Variants in CACNB4 observed in about 807,000 individuals in gnomAD.
CACNB4 encodes calcium voltage-gated channel auxiliary subunit beta 4, also known as voltage-dependent L-type calcium channel subunit beta-4.
In CACNB4, 32 loss-of-function variants were observed where a neutral mutation model predicts 71.2. The observed-to-expected ratio is 0.45, with a 90% CI of 0.34 to 0.60. The LOEUF is 0.60. CACNB4 is among the 20% of genes least tolerant of loss of function. The probability of loss-of-function intolerance (pLI) is 0.01; values close to 1 mark genes in which losing one functional copy is unlikely to be tolerated. For missense variants in CACNB4, 464 were observed against 647.9 expected (o/e 0.72, Z 3.08); for synonymous variants, 231 against 236.9 (o/e 0.97, Z 0.23).
At chr2:151,869,510 G>A (rs2099844057) in intron 8 of CACNB4, 1 of 313,944 alleles carries the variant, frequency 3.2e-6, no homozygotes, top group Non-Finnish European at 5.9e-6. Context: ...CCTCGTTAGG[G>A]GATAGAACTG....
At chr2:152,051,284 C>G (rs943354233) in intron 2 of CACNB4, among the ~76,000 whole-genome samples, 7 of 152,026 alleles carry the variant, frequency 4.6e-5, no homozygotes, top group African/African-American at 1.7e-4. Flanking sequence ...AAATATAATT[C>G]ACATACCATT....
intron 2 of CACNB4, among the ~76,000 whole-genome samples, chr2:152,046,878 T>A (rs1187184137): frequency 6.6e-6 from 1 of 152,082 alleles, no homozygotes; most frequent in Non-Finnish European, 1.5e-5. Flanking sequence ...GGAAAAAGGG[T>A]CTCTGACTAT....
At chr2:152,096,748 C>G (rs1017490963) in intron 2 of CACNB4, among the ~76,000 whole-genome samples, 2 of 152,172 alleles carry the variant, frequency 1.3e-5, no homozygotes, top group Admixed American at 6.5e-5. Flanking sequence ...TCATCTCAAT[C>G]AGTTACGGGC....
chr2:152,012,568 T>C (rs1411980570), intron 2 of CACNB4, among the ~76,000 whole-genome samples: 1 of 148,164 alleles, frequency 6.7e-6, no homozygotes, highest in East Asian at 2.0e-4. Flanking sequence ...CGTGTCACTG[T>C]GCTGCAGCCT....
chr2:151,920,935 A>C (rs147728384), intron 2 of CACNB4, among the ~76,000 whole-genome samples: 7 of 152,062 alleles, frequency 4.6e-5, no homozygotes, highest in South Asian at 2.1e-4. Context: ...TCAGGAGATC[A>C]AGACCATCCT....
chr2:151,855,141 T>G (rs2099839957), intron 11 of CACNB4, 83 bp downstream of exon 11: 1 of 847,398 alleles, frequency 1.2e-6, no homozygotes, highest in African/African-American at 1.7e-5. Flanking sequence ...CGTTCTCCTT[T>G]GTCCACTAAC....
chr2:152,026,159 C>T (rs1464271944), intron 2 of CACNB4, among the ~76,000 whole-genome samples: 1 of 152,164 alleles, frequency 6.6e-6, no homozygotes, highest in Admixed American at 6.5e-5. Flanking sequence ...ACACACTCTG[C>T]CTTTTCTCGT....
intron 4 of CACNB4, among the ~76,000 whole-genome samples, chr2:151,876,964 GTA>G (rs1396278219): frequency 2.1e-5 from 3 of 145,918 alleles, no homozygotes; most frequent in Admixed American, 1.4e-4. Flanking sequence ...TATTGTGTAT[GTA>G]TATATGTGTA....
chr2:151,944,915 A>G (rs1222476077), intron 2 of CACNB4, among the ~76,000 whole-genome samples: 5 of 152,214 alleles, frequency 3.3e-5, no homozygotes, highest in African/African-American at 1.2e-4. Context: ...CAGTTGTGAG[A>G]CAATAGGGTC....
chr2:151,962,046 C>T (rs777021973), intron 2 of CACNB4, among the ~76,000 whole-genome samples: 1 of 152,216 alleles, frequency 6.6e-6, no homozygotes, highest in Non-Finnish European at 1.5e-5. Context: ...GCATGGCTAA[C>T]CGGTAAGCTC....
At chr2:152,014,038 C>T (rs1683205537) in intron 2 of CACNB4, among the ~76,000 whole-genome samples, 1 of 152,200 alleles carries the variant, frequency 6.6e-6, no homozygotes, top group South Asian at 2.1e-4. Flanking sequence ...AGCAACACTC[C>T]ATGGTCCAAA....
At chr2:151,957,591 A>T (rs11688687) in intron 2 of CACNB4, among the ~76,000 whole-genome samples, 2,877 of 152,322 alleles carry the variant, frequency 0.019, 36 homozygotes, top group Middle Eastern at 0.031. Context: ...GCACTGTCAC[A>T]AACTCTCGAG....
At chr2:151,885,569 T>C (rs2099849154) in intron 2 of CACNB4, among the ~76,000 whole-genome samples, 1 of 152,230 alleles carries the variant, frequency 6.6e-6, no homozygotes, top group Admixed American at 6.5e-5. Flanking sequence ...ACAAAAAGCA[T>C]TAATTTCTCA....
At chr2:152,097,134 T>G (rs1688317682) in intron 2 of CACNB4, among the ~76,000 whole-genome samples, 1 of 152,238 alleles carries the variant, frequency 6.6e-6, no homozygotes, top group Admixed American at 6.5e-5. Context: ...GCTCGCTGAA[T>G]TAAATGGTAG....
intron 10 of CACNB4, among the ~76,000 whole-genome samples, chr2:151,856,215 A>T (rs2099840273): frequency 6.8e-6 from 1 of 147,916 alleles, no homozygotes; most frequent in Admixed American, 6.7e-5. Flanking sequence ...AATATAAAAA[A>T]GTTTTATATA....
intron 2 of CACNB4, among the ~76,000 whole-genome samples, chr2:151,978,349 G>C (rs2099874162): frequency 1.3e-5 from 2 of 152,124 alleles, no homozygotes; most frequent in African/African-American, 4.8e-5. Flanking sequence ...AAGAAGTATG[G>C]AATCAGGGCA....
At chr2:151,910,889 C>T (rs1384163209) in intron 2 of CACNB4, among the ~76,000 whole-genome samples, 1 of 152,158 alleles carries the variant, frequency 6.6e-6, no homozygotes, top group Non-Finnish European at 1.5e-5. Flanking sequence ...TTACTTTGGA[C>T]AGTATGGCCA....
Position 152,055,109 on chromosome 2 carries a change from T to C in CACNB4, c.147+43221A>G, listed in dbSNP as rs142004258. ...TCACCGTAACCGCTGCCTCCCAGGT[T>C]CAAGGGATTCTCATGTCTCAGCCTC... On this transcript the variant is annotated intron_variant, in intron 2 of 13. Coordinates refer to ENST00000539935, the MANE Select transcript of CACNB4 (RefSeq NM_000726.5). 1.7e-3 allele frequency among the ~76,000 whole-genome samples: 266 copies of C among 152,294 alleles called. 1 individual carries two copies. Among genetic ancestry groups the C allele is most frequent in the African/African-American group, 6.2e-3 (256 of 41,550 alleles).
intron 2 of CACNB4, among the ~76,000 whole-genome samples, chr2:152,003,518 C>T (rs749084735): frequency 5.3e-5 from 8 of 151,874 alleles, no homozygotes; most frequent in Non-Finnish European, 8.8e-5. Flanking sequence ...GCTCTTGATG[C>T]GCTTATTATA....
Sources: gnomAD v4.1 joint callset for allele counts (sites outside exome capture counted in the v4.1 genomes callset) on GRCh38, gnomAD v4.1.1 for gene constraint, MANE v1.5 for transcripts, NCBI Gene and HGNC (gene_info 2026-07-23, HGNC 2026-07-21) for gene names.